The following CDHR5 variants were observed in gnomAD, a reference collection of about 807,000 sequenced individuals.
CDHR5 encodes the protein cadherin related family member 5.
Under a neutral mutation model 69.5 loss-of-function variants are expected in CDHR5, and 82 were observed. That is an observed-to-expected ratio of 1.18 (90% CI 0.99 to 1.42). The LOEUF (loss-of-function observed/expected upper bound fraction) is 1.42, where lower values mean the gene tolerates loss of function less well. CDHR5 is among the 40% of genes most tolerant of loss of function. CDHR5 has a pLI of 0.00. For missense variants in CDHR5, 1,293 were observed against 1,168.9 expected (o/e 1.11, Z -1.55); for synonymous variants, 601 against 510.2 (o/e 1.18, Z -2.40).
In CDHR5 at chr11:620,298, C is replaced by T; in HGVS notation, c.878G>A (p.Arg293Lys). The T allele has an allele frequency of 6.2e-7, 1 of 1,610,976 alleles. No homozygotes were observed. Among genetic ancestry groups the T allele is most frequent in the Non-Finnish European group, 8.5e-7 (1 of 1,178,118 alleles). ...GTTGAGGGCTGGGCCCCACTCACCC[C>T]TAAAGATGCTGTAGATGATGGGCTG... ...INQPIIYSIF[R>K]GNVNGTFIIH... Residue 293 changes from arginine to lysine, a missense_variant and splice_region_variant, in exon 8 of 15, where the codon AGG becomes AAG. Arg to Lys is a conservative substitution (Grantham distance 26). Transcript: ENST00000397542.
Position 617,260 on chromosome 11 carries a change from G to T in CDHR5, c.*91C>A. The T allele has an allele frequency of 9.2e-7, 1 of 1,085,048 alleles. No individual in the cohort carries two copies. Among genetic ancestry groups the T allele is most frequent in the Non-Finnish European group, 1.3e-6 (1 of 751,558 alleles). 67.2% of individuals were successfully genotyped at this position (1,085,048 alleles called of 1,614,324 possible). A position where few individuals can be genotyped will look rare whatever the true frequency, so the allele number is the denominator to read the frequency against. On this transcript the variant is annotated 3_prime_UTR_variant, in exon 15 of 15. Coordinates refer to ENST00000397542, the MANE Select transcript of CDHR5 (RefSeq NM_021924.5). ...TGCCCCACGCCATGGCCTGGGTTTC[G>T]GGAGCCTTGCTTTATTCTGCCTCGG...
Position 619,406 on chromosome 11 carries a change from GC to G in CDHR5, c.1294-17del. 6.2e-7 allele frequency: 1 copy of G among 1,610,594 alleles called. No homozygotes were observed. Among genetic ancestry groups the G allele is most frequent in the African/African-American group, 1.3e-5 (1 of 74,964 alleles). On this transcript the variant is annotated splice_polypyrimidine_tract_variant and intron_variant, in intron 11 of 14. Coordinates refer to ENST00000397542, the MANE Select transcript of CDHR5 (RefSeq NM_021924.5). ...GGGCCTCAACCTGGGGCAGGAAGGG[GC>G]TTGTCCCTCCTAGACACATCTTTAA... is the stretch of plus-strand genomic sequence containing the variant.
chr11:621,636 G>T lies in CDHR5; in HGVS notation c.433C>A (p.Pro145Thr). Residue 145 changes from proline (P) to threonine (T), a missense_variant, in exon 5 of 15, where the codon CCC (proline) becomes ACC (threonine). By Grantham distance (38) the Pro-to-Thr change is conservative. Transcript: ENST00000397542. This position sits in a 1 kb window ranked among gnomAD's most constrained non-coding sequence, Gnocchi z 4.4. ...TCCTCAGCCTGCAGTTGCGTCTCGG[G>T]GATGACGGTGGAGTTCACTTTCGTG... is the stretch of plus-strand genomic sequence containing the variant. Reference protein sequence around the residue: ...EDTKVNSTVIPETQLQAEDRD... With the variant: ...EDTKVNSTVITETQLQAEDRD... The T allele has an allele frequency of 6.2e-7, 1 of 1,613,526 alleles. No homozygotes were observed. The highest frequency in any genetic ancestry group is 8.5e-7 in the Non-Finnish European group (1 of 1,179,596).
rs552692150 is a variant in CDHR5, at chr11:624,877, G to T, written c.26C>A (p.Pro9His). 2 of 1,569,236 alleles carry T rather than the reference G, an allele frequency of 1.3e-6. No individual in the cohort carries two copies. Among genetic ancestry groups the T allele is most frequent in the Non-Finnish European group, 8.6e-7 (1 of 1,159,992 alleles). Reference sequence around the variant, plus strand: ...GAGCAGCCCGGTGAACAGCAGGGGAGGCCACAGCAGGGCCCAAGACCCCAT... The same window carrying T: ...GAGCAGCCCGGTGAACAGCAGGGGATGCCACAGCAGGGCCCAAGACCCCAT... MGSWALLW[P>H]PLLFTGLLVR... is the part of the protein sequence containing the mutation. The change falls in exon 1 of 15, where the codon CCT becomes CAT. Residue 9 changes from proline to histidine, a missense_variant. By Grantham distance (77) the Pro-to-His change is moderately conservative (BLOSUM62 -2). Transcript: ENST00000397542. The surrounding 1 kb of genome is among the most constrained non-coding windows in gnomAD (Gnocchi z 5.3).
Position 621,525 on chromosome 11 carries a change from G to A in CDHR5, c.507+37C>T, listed in dbSNP as rs1425383912. ...GAGGGCGGCTGTGGGTGTCAGAGGC[G>A]AGGGGCTCGTGCTGGGGCAGGGTGG... On this transcript the variant is annotated intron_variant, in intron 5 of 14. Transcript: ENST00000397542. This position sits in a 1 kb window ranked among gnomAD's most constrained non-coding sequence, Gnocchi z 4.4. 9 of 1,591,468 alleles carry A rather than the reference G, an allele frequency of 5.7e-6. No individual in the cohort carries two copies. The highest frequency in any genetic ancestry group is 2.7e-5 in the African/African-American group (2 of 74,362).
rs762023053 is a variant in CDHR5, at chr11:621,249, T to C, written c.620A>G (p.Asp207Gly). The change falls in exon 7 of 15, where the codon GAC (aspartate) becomes GGC (glycine). Residue 207 changes from aspartate to glycine, a missense_variant and splice_region_variant. Transcript: ENST00000397542. The surrounding 1 kb of genome is among the most constrained non-coding windows in gnomAD (Gnocchi z 4.4). Reference protein sequence around the residue: ...PNMTFWLLVRDTPGENVEPSH... With the variant: ...PNMTFWLLVRGTPGENVEPSH... ...GGGTTCCACATTCTCCCCCGGAGTGTCCTGCAACAGACGGCTGTGCTGGAT... is the reference window on the plus strand; with the variant it reads ...GGGTTCCACATTCTCCCCCGGAGTGCCCTGCAACAGACGGCTGTGCTGGAT... 8 of 1,601,174 alleles carry C rather than the reference T, an allele frequency of 5.0e-6. No individual in the cohort carries two copies. Among genetic ancestry groups the C allele is most frequent in the East Asian group, 2.2e-5 (1 of 44,680 alleles).
chr11:621,914 G>A lies in CDHR5; in HGVS notation c.313-10C>T. 2.5e-6 allele frequency: 4 copies of A among 1,607,322 alleles called. 1 individual carries two copies. The highest frequency in any genetic ancestry group is 2.2e-5 in the South Asian group (2 of 90,624). On this transcript the variant is annotated splice_polypyrimidine_tract_variant and intron_variant, in intron 3 of 14. Coordinates refer to ENST00000397542, the MANE Select transcript of CDHR5 (RefSeq NM_021924.5). This position sits in a 1 kb window ranked among gnomAD's most constrained non-coding sequence, Gnocchi z 4.4. Reference sequence around the variant, plus strand: ...CCCTTAGCTGGGTCACCTGCAGGATGTGGCCGTCAGCCTCTCCCACAGCCC... The same window carrying A: ...CCCTTAGCTGGGTCACCTGCAGGATATGGCCGTCAGCCTCTCCCACAGCCC...
chr11:620,499 G>A (rs570248410), intron 7 of CDHR5, 113 bp from the exon 8 acceptor site: 52 of 693,302 alleles, frequency 7.5e-5, no homozygotes, highest in South Asian at 5.5e-4. Flanking sequence ...GCCCAGTCCC[G>A]CTGGTGGCCG....
chr11:621,086 G>A lies in CDHR5; in HGVS notation c.783C>T (p.His261=), dbSNP rs1478983090. ...AQYHGAVPTG[H]ILPSPLVLRP... is the part of the protein sequence containing the mutation. Reference sequence around the variant, plus strand: ...GCCCCTCCCTCCCCATTACCAGTATGTGCCCCGTGGGGACAGCCCCGTGGT... The same window carrying A: ...GCCCCTCCCTCCCCATTACCAGTATATGCCCCGTGGGGACAGCCCCGTGGT... Residue 261 remains histidine, a synonymous_variant, in exon 7 of 15, where the codon CAC becomes CAT. Transcript: ENST00000397542. This position sits in a 1 kb window ranked among gnomAD's most constrained non-coding sequence, Gnocchi z 4.4. 1.3e-6 allele frequency: 2 copies of A among 1,527,874 alleles called. No homozygotes were observed. Among genetic ancestry groups the A allele is most frequent in the Non-Finnish European group, 1.8e-6 (2 of 1,134,664 alleles). 94.6% of individuals were successfully genotyped at this position (1,527,874 alleles called of 1,614,324 possible). A position where few individuals can be genotyped will look rare whatever the true frequency, so the allele number is the denominator to read the frequency against.
Position 619,548 on chromosome 11 carries a change from A to G in CDHR5, c.1219T>C (p.Ser407Pro). Residue 407 changes from serine to proline, a missense_variant, in exon 11 of 15, where the codon TCA becomes CCA. Ser to Pro is a moderately conservative substitution (Grantham distance 74, BLOSUM62 -1). Coordinates refer to ENST00000397542, the MANE Select transcript of CDHR5 (RefSeq NM_021924.5). ...ACCTCTCCCTCCATCCGGAAGTGTG[A>G]GTGGTTGGTAATTCGATATGTGATG... ...SAITYRITNH[S>P]HFRMEGEVVL... The G allele has an allele frequency of 6.2e-7, 1 of 1,613,820 alleles. No individual in the cohort carries two copies. Among genetic ancestry groups the G allele is most frequent in the South Asian group, 1.1e-5 (1 of 91,068 alleles).
chr11:621,397 C>A lies in CDHR5; in HGVS notation c.566G>T (p.Arg189Leu), dbSNP rs368029465. 2 of 1,612,962 alleles carry A rather than the reference C, an allele frequency of 1.2e-6. No homozygotes were observed. Among genetic ancestry groups the A allele is most frequent in the Non-Finnish European group, 1.7e-6 (2 of 1,179,990 alleles). ...CGGCCGCTCGTAGAAGTCCAGGGGCCGGTCCAGCCTCAGGGCGGGACGGTT... is the reference window on the plus strand; with the variant it reads ...CGGCCGCTCGTAGAAGTCCAGGGGCAGGTCCAGCCTCAGGGCGGGACGGTT... ...SVNRPALRLD[R>L]PLDFYERPNM... is the part of the protein sequence containing the mutation. The change falls in exon 6 of 15, where the codon CGG (arginine) becomes CTG (leucine). Residue 189 changes from arginine (R) to leucine (L), a missense_variant. Transcript: ENST00000397542. The surrounding 1 kb of genome is among the most constrained non-coding windows in gnomAD (Gnocchi z 4.4).
chr11:618,299 C>A (rs889546789), intron 13 of CDHR5, among the ~76,000 whole-genome samples, 188 bp from the exon 14 acceptor site: 4 of 151,942 alleles, frequency 2.6e-5, no homozygotes, highest in Admixed American at 6.5e-5. Context: ...CCCACCCCCT[C>A]CCCCCCGGGA....
At position 617,231 on chromosome 11, in the gene CDHR5, C is replaced by A; in HGVS notation, c.*120G>T. On this transcript the variant is annotated 3_prime_UTR_variant, in exon 15 of 15. Transcript: ENST00000397542. The stretch of plus-strand genomic sequence containing the variant: ...TGAATGGGACCCCCATGGACCCGCG[C>A]GCCTGCCCCACGCCATGGCCTGGGT... 1 of 765,738 alleles carries A rather than the reference C, an allele frequency of 1.3e-6. No homozygotes were observed. The highest frequency in any genetic ancestry group is 1.8e-5 in the South Asian group (1 of 56,334). 47.4% of individuals were successfully genotyped at this position (765,738 alleles called of 1,614,324 possible).
Position 619,348 on chromosome 11 carries a change from CTG to C in CDHR5, c.1334_1335del (p.Thr445SerfsTer3), listed in dbSNP as rs1371180208. The C allele has an allele frequency of 2.5e-6, 4 of 1,613,586 alleles. No homozygotes were observed. Among genetic ancestry groups the C allele is most frequent in the Non-Finnish European group, 1.7e-6 (2 of 1,179,838 alleles). On this transcript the variant is annotated frameshift_variant, in exon 12 of 15. Coordinates refer to ENST00000397542, the MANE Select transcript of CDHR5 (RefSeq NM_021924.5). LOFTEE classifies it high-confidence loss of function. ...HNTVTSGTAT[T>X]VIEIQVSEQE... ...TGTTCGGAAACTTGTATCTCAATGACTGTGGTTGCGGTGCCAGAGGTCACCGT... is the reference window on the plus strand; with the variant it reads ...TGTTCGGAAACTTGTATCTCAATGACTGGTTGCGGTGCCAGAGGTCACCGT...
Position 621,418 on chromosome 11 carries a change from C to T in CDHR5, c.545G>A (p.Arg182His), listed in dbSNP as rs114260500. The stretch of plus-strand genomic sequence containing the variant: ...GGGCCGGTCCAGCCTCAGGGCGGGA[C>T]GGTTTACACTCACCAGGGAGAAGTA... ...SDYFSLVSVN[R>H]PALRLDRPLD... The change falls in exon 6 of 15, where the codon CGT (arginine) becomes CAT (histidine). Residue 182 changes from arginine (R) to histidine (H), a missense_variant. Transcript: ENST00000397542. This position sits in a 1 kb window ranked among gnomAD's most constrained non-coding sequence, Gnocchi z 4.4. The T allele has an allele frequency of 6.9e-4, 1,118 of 1,612,638 alleles. 8 individuals carry two copies. The African/African-American group carries it at 0.013, about 19-fold the overall frequency.
Position 617,681 on chromosome 11 carries a change from G to A in CDHR5, c.2208C>T (p.Pro736=). 7 of 1,480,714 alleles carry A rather than the reference G, an allele frequency of 4.7e-6. No homozygotes were observed. Among genetic ancestry groups the A allele is most frequent in the Admixed American group, 2.5e-5 (1 of 40,192 alleles). 91.7% of individuals were successfully genotyped at this position (1,480,714 alleles called of 1,614,324 possible). ...WAPVPSPTHD[P]KPAEAPMPAE... The stretch of plus-strand genomic sequence containing the variant: ...CGGGCATCGGTGCCTCCGCGGGCTT[G>A]GGGTCGTGCGTGGGGCTGGGGACGG... Residue 736 remains proline (P), a synonymous_variant, in exon 15 of 15, where the codon CCC becomes CCT. Transcript: ENST00000397542.
Position 621,451 on chromosome 11 carries a change from G to T in CDHR5, c.512C>A (p.Ala171Asp), listed in dbSNP as rs1368683682. The T allele has an allele frequency of 6.2e-7, 1 of 1,611,260 alleles. No individual in the cohort carries two copies. Among genetic ancestry groups the T allele is most frequent in the South Asian group, 1.1e-5 (1 of 91,054 alleles). Reference protein sequence around the residue: ...FYTLQEMTAGASDYFSLVSVN... With the variant: ...FYTLQEMTAGDSDYFSLVSVN... ...ACTCACCAGGGAGAAGTAGTCACTG[G>T]CACCCTGGGGAGGGTCAGGGAGGAC... is the stretch of plus-strand genomic sequence containing the variant. The change falls in exon 6 of 15, where the codon GCC (alanine) becomes GAC (aspartate). Residue 171 changes from alanine (A) to aspartate (D), a missense_variant. Coordinates refer to ENST00000397542, the MANE Select transcript of CDHR5 (RefSeq NM_021924.5). This position sits in a 1 kb window ranked among gnomAD's most constrained non-coding sequence, Gnocchi z 4.4.
intron 13 of CDHR5, 49 bp from the exon 14 acceptor site, chr11:618,160 C>A (rs777650353): frequency 2.3e-5 from 34 of 1,501,808 alleles, no homozygotes; most frequent in Non-Finnish European, 2.7e-5. Flanking sequence ...TTGAGTGCCC[C>A]AGGCATTTCC....
In CDHR5 at chr11:620,096, T is replaced by C; in HGVS notation, c.949A>G (p.Ser317Gly). The C allele has an allele frequency of 1.2e-6, 2 of 1,611,086 alleles. No individual in the cohort carries two copies. The highest frequency in any genetic ancestry group is 1.7e-6 in the Non-Finnish European group (2 of 1,178,764). ...GNLTVARSVP[S>G]PMTFLLLVKG... is the part of the protein sequence containing the mutation. ...ACCAGCAGAAGGAAGGTCATGGGGC[T>C]GGGGACACTCCTGGCCACGGTGAGG... is the stretch of plus-strand genomic sequence containing the variant. The change falls in exon 9 of 15, where the codon AGC (serine) becomes GGC (glycine). Residue 317 changes from serine to glycine, a missense_variant. Coordinates refer to ENST00000397542, the MANE Select transcript of CDHR5 (RefSeq NM_021924.5).
Sources: allele counts gnomAD v4.1 joint callset (sites outside exome capture counted in the v4.1 genomes callset), GRCh38; gene constraint gnomAD v4.1.1; non-coding constraint Gnocchi (gnomAD v3.1); transcripts MANE v1.5; gene names NCBI Gene and HGNC (gene_info 2026-07-23, HGNC 2026-07-21).